The following TSPEAR variants were observed in gnomAD, a reference collection of about 807,000 sequenced individuals.
TSPEAR encodes thrombospondin-type laminin G domain and EAR repeat-containing protein.
Under a neutral mutation model 71.6 loss-of-function variants are expected in TSPEAR, and 69 were observed. That is an observed-to-expected ratio of 0.96 (90% CI 0.79 to 1.18). The LOEUF (loss-of-function observed/expected upper bound fraction) is 1.18, where lower values mean the gene tolerates loss of function less well. TSPEAR is among the 50% of genes most tolerant of loss of function. The probability of loss-of-function intolerance (pLI) is 0.00; values close to 1 mark genes in which losing one functional copy is unlikely to be tolerated. For synonymous variants in TSPEAR, 402 were observed against 387.2 expected, an observed-to-expected ratio of 1.04 and a Z score of -0.45; for missense variants, 971 against 894.9, an observed-to-expected ratio of 1.09 and a Z score of -1.09.
intron 2 of TSPEAR, among the ~76,000 whole-genome samples, chr21:44,538,583 G>A (rs1300668050): frequency 2.6e-5 from 4 of 152,140 alleles, no homozygotes; most frequent in African/African-American, 7.2e-5. Flanking sequence ...CTGCTAAAAC[G>A]GGCAGAACCC....
chr21:44,700,624 T>G (rs1304252594), intron 1 of TSPEAR, among the ~76,000 whole-genome samples: 1 of 152,210 alleles, frequency 6.6e-6, no homozygotes, highest in Non-Finnish European at 1.5e-5. Context: ...AGTGGGAACT[T>G]CACGGTTAAA....
chr21:44,650,240 T>C (rs1370524904), intron 1 of TSPEAR, among the ~76,000 whole-genome samples: 1 of 151,754 alleles, frequency 6.6e-6, no homozygotes, highest in Non-Finnish European at 1.5e-5. Flanking sequence ...AGAAAAGGTA[T>C]ATGTTGGATG....
At chr21:44,654,110 A>G (rs1984973933) in intron 1 of TSPEAR, 4 of 628,650 alleles carry the variant, frequency 6.4e-6, no homozygotes, top group Admixed American at 2.8e-5. Flanking sequence ...AGAAAGGCGC[A>G]TGGCCTCACC....
intron 1 of TSPEAR, among the ~76,000 whole-genome samples, chr21:44,614,083 G>C (rs1446025954): frequency 6.6e-6 from 1 of 152,184 alleles, no homozygotes; most frequent in East Asian, 1.9e-4. Flanking sequence ...ATGAGCTCCT[G>C]CTCTGGTGTC....
intron 1 of TSPEAR, among the ~76,000 whole-genome samples, chr21:44,671,228 A>G (rs1447776689): frequency 1.3e-5 from 2 of 152,062 alleles, no homozygotes; most frequent in Non-Finnish European, 2.9e-5. Flanking sequence ...CACAACCACC[A>G]CTTATATTAG....
intron 1 of TSPEAR, chr21:44,702,416 A>AGCC (rs1569268868): frequency 7.0e-7 from 1 of 1,437,192 alleles, no homozygotes; most frequent in African/African-American, 2.1e-5. Context: ...TGCTGCCAGC[A>AGCC]GTCTAGCTGC....
chr21:44,517,459 C>T (rs1555913606), intron 9 of TSPEAR: 4 of 272,594 alleles, frequency 1.5e-5, no homozygotes, highest in Non-Finnish European at 1.5e-5. Context: ...GCTGTGAGGA[C>T]GTGAGCACAG....
Position 44,498,779 on chromosome 21 carries a change from G to A in TSPEAR, c.*1004C>T, listed in dbSNP as rs1201057858. 6.6e-6 allele frequency: 1 copy of A among 152,186 alleles called. No individual in the cohort carries two copies. Among genetic ancestry groups the A allele is most frequent in the African/African-American group, 2.4e-5 (1 of 41,160 alleles). The allele number at this position is 152,186 out of a possible 1,614,324, so 9.4% of individuals were successfully genotyped here. A position where few individuals can be genotyped will look rare whatever the true frequency, so the allele number is the denominator to read the frequency against. On this transcript the variant is annotated 3_prime_UTR_variant, in exon 12 of 12. Transcript: ENST00000323084. ...GTGGCAGGTGTGGTCTGGGCTGCGT[G>A]GCCCCGGAGCCTGCTGTCTGAGCCT... is the stretch of plus-strand genomic sequence containing the variant.
chr21:44,507,417 AC>A (rs2052229466), intron 10 of TSPEAR, among the ~76,000 whole-genome samples: 1 of 152,268 alleles, frequency 6.6e-6, no homozygotes, highest in Admixed American at 6.5e-5. Context: ...TGGTGAGGCC[AC>A]ATCACGTCTC....
chr21:44,695,482 A>G lies in TSPEAR; in HGVS notation c.82+15951T>C, dbSNP rs927389062. Among the ~76,000 whole-genome samples the G allele has an allele frequency of 6.6e-6, 1 of 151,988 alleles. No homozygotes were observed. The highest frequency in any genetic ancestry group is 1.5e-5 in the Non-Finnish European group (1 of 67,976). On this transcript the variant is annotated intron_variant, in intron 1 of 11. Coordinates refer to ENST00000323084, the MANE Select transcript of TSPEAR (RefSeq NM_144991.3). The surrounding 1 kb of genome is among the most constrained non-coding windows in gnomAD (Gnocchi z 4.5). The stretch of plus-strand genomic sequence containing the variant: ...TGGGCCTCTCCCTGGCCATGCCCCA[A>G]CCTGGCTCACACTCCCTCAGGGTTG...
intron 1 of TSPEAR, chr21:44,601,781 G>C (rs782133132): frequency 1.3e-6 from 2 of 1,574,338 alleles, no homozygotes; most frequent in Non-Finnish European, 1.7e-6. Flanking sequence ...ACTGCCACCT[G>C]CACCCCTGGA....
chr21:44,580,382 G>T (rs1425742916), intron 1 of TSPEAR: 1 of 1,613,432 alleles, frequency 6.2e-7, no homozygotes, highest in Non-Finnish European at 8.5e-7. Context: ...GCAGGAGCTG[G>T]TGCAGCCTGA....
Position 44,518,268 on chromosome 21 carries a change from T to C in TSPEAR, c.1566+3615A>G, listed in dbSNP as rs1232116101. 1.0e-4 allele frequency: 47 copies of C among 466,304 alleles called. No homozygotes were observed. In the Admixed American group the frequency reaches 1.1e-3, roughly 11 times the overall value. 28.9% of individuals were successfully genotyped at this position (466,304 alleles called of 1,614,324 possible). ...AGCCTGACTCCTGCAGTTTTCAGGA[T>C]TTTTGTCAAACATCCGGGGACCCTT... is the stretch of plus-strand genomic sequence containing the variant. On this transcript the variant is annotated intron_variant, in intron 9 of 11. Transcript: ENST00000323084.
chr21:44,685,656 T>C (rs781976759), intron 1 of TSPEAR, among the ~76,000 whole-genome samples: 2 of 152,202 alleles, frequency 1.3e-5, no homozygotes, highest in Admixed American at 6.5e-5. Flanking sequence ...GACGCCAACG[T>C]GGCTGATGTT....
intron 1 of TSPEAR, among the ~76,000 whole-genome samples, chr21:44,662,530 T>C (rs1302156114): frequency 1.3e-5 from 2 of 152,158 alleles, no homozygotes; most frequent in Non-Finnish European, 2.9e-5. Flanking sequence ...ATAAATCAGA[T>C]TTGTCATTGG....
At position 44,506,489 on chromosome 21, in the gene TSPEAR, G is replaced by T. The variant is rs2145915563; in HGVS notation, c.1755-1608C>A. ...GGGGCCGGCCTGCAGCAGGGGCTCAGACAGGGCCTTGGGAGAGGGAGGGAT... is the reference window on the plus strand; with the variant it reads ...GGGGCCGGCCTGCAGCAGGGGCTCATACAGGGCCTTGGGAGAGGGAGGGAT... On this transcript the variant is annotated intron_variant, in intron 10 of 11. Transcript: ENST00000323084. The surrounding 1 kb of genome is among the most constrained non-coding windows in gnomAD (Gnocchi z 4.2). Among the ~76,000 whole-genome samples, 1 of 152,386 alleles carries T rather than the reference G, an allele frequency of 6.6e-6. No individual in the cohort carries two copies. Among genetic ancestry groups the T allele is most frequent in the East Asian group, 1.9e-4 (1 of 5,188 alleles).
At chr21:44,650,449 C>T (rs9284508) in intron 1 of TSPEAR, among the ~76,000 whole-genome samples, 82 of 10,610 alleles carry the variant, frequency 7.7e-3, no homozygotes, top group African/African-American at 9.8e-3. Context: ...CACGTGACGA[C>T]GGGGGCAGAG....
chr21:44,603,404 A>G (rs1981108332), intron 1 of TSPEAR, among the ~76,000 whole-genome samples: 1 of 152,086 alleles, frequency 6.6e-6, no homozygotes, highest in African/African-American at 2.4e-5. Context: ...TCCCCCAACT[A>G]CAGGCACCTG....
intron 1 of TSPEAR, among the ~76,000 whole-genome samples, chr21:44,698,665 C>T (rs915645379): frequency 2.0e-5 from 3 of 152,200 alleles, no homozygotes; most frequent in Non-Finnish European, 4.4e-5. Flanking sequence ...GGATGGCTCG[C>T]TCCACCTGCA....
Sources: gnomAD v4.1 joint callset for allele counts (sites outside exome capture counted in the v4.1 genomes callset) on GRCh38, gnomAD v4.1.1 for gene constraint, Gnocchi (gnomAD v3.1) non-coding constraint, MANE v1.5 for transcripts, NCBI Gene and HGNC (gene_info 2026-07-23, HGNC 2026-07-21) for gene names.